The following TBC1D22A variants were observed in gnomAD, a reference collection of about 807,000 sequenced individuals.
TBC1D22A encodes the protein putative GTPase activator.
In TBC1D22A, 38 loss-of-function variants were observed where a neutral mutation model predicts 60.2. The observed-to-expected ratio is 0.63, with a 90% CI of 0.49 to 0.83. The LOEUF is 0.83. Among genes scored for constraint, TBC1D22A ranks in the 40% least tolerant of loss-of-function variants. The pLI, the probability that TBC1D22A is intolerant of heterozygous loss-of-function variation, is 0.00. For synonymous variants in TBC1D22A, 302 were observed against 281.7 expected (o/e 1.07, Z -0.72); for missense variants, 628 against 701.0 (o/e 0.90, Z 1.18).
intron 8 of TBC1D22A, among the ~76,000 whole-genome samples, chr22:46,950,451 G>A (rs560943292): frequency 1.3e-5 from 2 of 152,158 alleles, no homozygotes; most frequent in African/African-American, 4.8e-5. Flanking sequence ...CCAGGCAGTC[G>A]TTGATTTCTG....
At chr22:46,788,093 C>T (rs944846859) in intron 1 of TBC1D22A, among the ~76,000 whole-genome samples, 4 of 152,006 alleles carry the variant, frequency 2.6e-5, no homozygotes, top group East Asian at 1.9e-4. Context: ...TCCGCCACCA[C>T]GACCGGGTAA....
chr22:46,803,989 T>C (rs919252794), intron 4 of TBC1D22A, among the ~76,000 whole-genome samples: 3 of 152,258 alleles, frequency 2.0e-5, no homozygotes, highest in Non-Finnish European at 4.4e-5. Context: ...TTTTGGTGCA[T>C]ACATGGTCCT....
chr22:46,952,453 C>T (rs1163486074), intron 8 of TBC1D22A, among the ~76,000 whole-genome samples: 3 of 152,188 alleles, frequency 2.0e-5, no homozygotes, highest in Non-Finnish European at 4.4e-5. Context: ...TTAGGAGCCT[C>T]CTGACATGAT....
At chr22:46,819,557 T>C (rs576330243) in intron 4 of TBC1D22A, among the ~76,000 whole-genome samples, 1 of 152,362 alleles carries the variant, frequency 6.6e-6, no homozygotes, top group South Asian at 2.1e-4. Flanking sequence ...TTGCATATGT[T>C]GAACCAGCCT....
intron 10 of TBC1D22A, among the ~76,000 whole-genome samples, chr22:47,035,577 C>T (rs1225771592): frequency 6.6e-6 from 1 of 152,182 alleles, no homozygotes; most frequent in South Asian, 2.1e-4. Context: ...GACACCCAGC[C>T]CTACAGGAGC....
chr22:47,127,671 C>A (rs999435703), intron 12 of TBC1D22A, among the ~76,000 whole-genome samples: 9 of 152,212 alleles, frequency 5.9e-5, no homozygotes, highest in Admixed American at 2.6e-4. Context: ...GGAGAGAGAA[C>A]ATCCGCCTCG....
Position 46,943,085 on chromosome 22 carries a change from C to G in TBC1D22A, c.1015+30897C>G, listed in dbSNP as rs550411048. On this transcript the variant is annotated intron_variant, in intron 8 of 12. Coordinates refer to ENST00000337137, the MANE Select transcript of TBC1D22A (RefSeq NM_014346.5). ...TTGAACAGGAGCCAGAGGACTTCCG[C>G]AGGTGTCAGTGCAAAAGAATTATGA... Among the ~76,000 whole-genome samples, 6 of 152,246 alleles carry G rather than the reference C, an allele frequency of 3.9e-5. No homozygotes were observed. The South Asian group carries it at 1.2e-3, about 32-fold the overall frequency.
intron 8 of TBC1D22A, among the ~76,000 whole-genome samples, chr22:46,925,126 AT>A (rs1373236380): frequency 6.6e-6 from 1 of 152,250 alleles, no homozygotes; most frequent in Non-Finnish European, 1.5e-5. Flanking sequence ...CATTGTTAGC[AT>A]TTAAATTTTA....
At chr22:47,132,475 A>G (rs556195248) in intron 12 of TBC1D22A, among the ~76,000 whole-genome samples, 8 of 151,998 alleles carry the variant, frequency 5.3e-5, no homozygotes, top group Admixed American at 2.0e-4. Context: ...GCCCGCTGCT[A>G]CCTGGCTGCT....
chr22:47,067,515 A>G (rs1342358705), intron 11 of TBC1D22A, among the ~76,000 whole-genome samples: 5 of 152,326 alleles, frequency 3.3e-5, no homozygotes, highest in Non-Finnish European at 5.9e-5. Flanking sequence ...TGCTCCTTGT[A>G]CATCCACAGA....
At chr22:47,020,693 G>A (rs1322067644) in intron 10 of TBC1D22A, among the ~76,000 whole-genome samples, 2 of 152,056 alleles carry the variant, frequency 1.3e-5, no homozygotes, top group South Asian at 2.1e-4. Flanking sequence ...CAAGACAAAT[G>A]CAGTGAATGA....
In TBC1D22A at chr22:46,778,181, G is replaced by T. The variant is rs998521608; in HGVS notation, c.63-14339G>T. ...CGGTGAATGAAGGGTGAGTGAATGG[G>T]AAGGTCTGGGTCCTCACTGTGCATC... On this transcript the variant is annotated intron_variant, in intron 1 of 12. Transcript: ENST00000337137. 2.6e-5 allele frequency among the ~76,000 whole-genome samples: 4 copies of T among 152,094 alleles called. 1 individual carries two copies. Among genetic ancestry groups the T allele is most frequent in the Non-Finnish European group, 4.4e-5 (3 of 68,016 alleles).
intron 10 of TBC1D22A, among the ~76,000 whole-genome samples, chr22:47,016,164 G>C (rs2061905780): frequency 6.6e-6 from 1 of 152,164 alleles, no homozygotes; most frequent in African/African-American, 2.4e-5. Flanking sequence ...CTTTTACAGT[G>C]GGCACTGGCG....
At chr22:46,935,064 T>A (rs1243339848) in intron 8 of TBC1D22A, among the ~76,000 whole-genome samples, 1 of 152,188 alleles carries the variant, frequency 6.6e-6, no homozygotes, top group East Asian at 1.9e-4. Context: ...TGTCTCATCA[T>A]GCAGGTTTTC....
intron 1 of TBC1D22A, among the ~76,000 whole-genome samples, chr22:46,767,051 T>C (rs552480382): frequency 6.6e-6 from 1 of 151,748 alleles, no homozygotes; most frequent in Non-Finnish European, 1.5e-5. Context: ...GCCTGGAGAG[T>C]GAGTGGTTTG....
intron 4 of TBC1D22A, among the ~76,000 whole-genome samples, chr22:46,858,469 C>A (rs939204806): frequency 6.6e-6 from 1 of 152,312 alleles, no homozygotes; most frequent in South Asian, 2.1e-4. Context: ...ACACCCCCCC[C>A]AGCTCTGATC....
At chr22:47,105,510 G>A (rs1208830177) in intron 11 of TBC1D22A, among the ~76,000 whole-genome samples, 2 of 152,162 alleles carry the variant, frequency 1.3e-5, no homozygotes, top group African/African-American at 4.8e-5. Flanking sequence ...CCTGGGGACT[G>A]TTTTGTTCAG....
intron 11 of TBC1D22A, among the ~76,000 whole-genome samples, chr22:47,063,329 G>A (rs566488803): frequency 4.6e-5 from 7 of 152,290 alleles, no homozygotes; most frequent in African/African-American, 1.4e-4. Flanking sequence ...CAGCAGGAGC[G>A]GTCTGAGGGT....
chr22:47,123,074 A>G (rs2066328175), intron 12 of TBC1D22A, among the ~76,000 whole-genome samples: 1 of 152,136 alleles, frequency 6.6e-6, no homozygotes, highest in Non-Finnish European at 1.5e-5. Flanking sequence ...ATTAATGACG[A>G]TGAGGTCTCA....
Sources: gnomAD v4.1 joint callset for allele counts (sites outside exome capture counted in the v4.1 genomes callset) on GRCh38, gnomAD v4.1.1 for gene constraint, MANE v1.5 for transcripts, NCBI Gene and HGNC (gene_info 2026-07-23, HGNC 2026-07-21) for gene names.